Variants in MACROD2 observed in about 807,000 individuals in gnomAD.
MACROD2 encodes mono-ADP ribosylhydrolase 2.
A neutral mutation model predicts 70.4 loss-of-function variants in MACROD2; 36 were observed. The ratio of observed to expected loss-of-function variants is 0.51; its 90% CI spans 0.39 to 0.68. The LOEUF is 0.68. Among genes scored for constraint, MACROD2 ranks in the 30% least tolerant of loss-of-function variants. The pLI is 0.00. For synonymous variants in MACROD2, 172 were observed against 178.8 expected, an observed-to-expected ratio of 0.96 and a Z score of 0.30; for missense variants, 496 against 538.4, an observed-to-expected ratio of 0.92 and a Z score of 0.78.
At chr20:15,677,216 T>C (rs112142619) in intron 8 of MACROD2, among the ~76,000 whole-genome samples, 9 of 152,348 alleles carry the variant, frequency 5.9e-5, no homozygotes, top group African/African-American at 1.7e-4. Context: ...GTAATCTCTT[T>C]GTAAATGTTT....
intron 2 of MACROD2, among the ~76,000 whole-genome samples, chr20:14,062,704 A>AT (rs1226597508): frequency 6.6e-6 from 1 of 152,152 alleles, no homozygotes; most frequent in East Asian, 1.9e-4. Context: ...AAAAAAAGAT[A>AT]TTTCAAAAGT....
intron 4 of MACROD2, among the ~76,000 whole-genome samples, chr20:14,597,386 A>T (rs1285745024): frequency 6.6e-6 from 1 of 152,198 alleles, no homozygotes; most frequent in African/African-American, 2.4e-5. Flanking sequence ...TTCTAAATAC[A>T]ATAGTGTTTT....
At position 14,750,703 on chromosome 20, in the gene MACROD2, A is replaced by C. The variant is rs1432667085; in HGVS notation, c.418+65744A>C. On this transcript the variant is annotated intron_variant, in intron 5 of 17. Coordinates refer to ENST00000684519, the MANE Select transcript of MACROD2 (RefSeq NM_001351661.2). ...TTGAACTCCTGGGCTCAAGTGATCT[A>C]CCCAACTCAGCCTCCCAAATGCTGG... 2.8e-5 allele frequency among the ~76,000 whole-genome samples: 3 copies of C among 108,472 alleles called. No homozygotes were observed. The East Asian group carries it at 7.0e-4, about 25-fold the overall frequency. The allele number at this position is 108,472 out of a possible 152,430, so 71.2% of individuals were successfully genotyped here.
chr20:15,222,510 T>C (rs1246957579), intron 5 of MACROD2, among the ~76,000 whole-genome samples: 1 of 152,226 alleles, frequency 6.6e-6, no homozygotes, highest in African/African-American at 2.4e-5. Context: ...GTACCTTTAG[T>C]GCTCAGTTTT....
At chr20:15,538,684 C>T (rs2047911086) in intron 8 of MACROD2, among the ~76,000 whole-genome samples, 1 of 152,188 alleles carries the variant, frequency 6.6e-6, no homozygotes, top group South Asian at 2.1e-4. Flanking sequence ...TTTAAAAATG[C>T]TGTCTTTTTG....
intron 6 of MACROD2, among the ~76,000 whole-genome samples, chr20:15,410,192 C>A (rs379133): frequency 0.63 from 95,694 of 151,934 alleles, 30,436 homozygotes; most frequent in African/African-American, 0.7. Context: ...TAATAGGAGA[C>A]ACAATTTCAG....
chr20:14,974,440 C>T (rs1305899476), intron 5 of MACROD2, among the ~76,000 whole-genome samples: 1 of 152,082 alleles, frequency 6.6e-6, no homozygotes, highest in Non-Finnish European at 1.5e-5. Context: ...ATTGGATATT[C>T]AAGAAGTGTC....
At chr20:14,613,410 T>C (rs1262934517) in intron 4 of MACROD2, among the ~76,000 whole-genome samples, 1 of 151,956 alleles carries the variant, frequency 6.6e-6, no homozygotes, top group Non-Finnish European at 1.5e-5. Context: ...TTGGTTAACA[T>C]ATATGGGGAG....
intron 5 of MACROD2, among the ~76,000 whole-genome samples, chr20:14,994,609 A>G (rs1234151880): frequency 1.3e-5 from 2 of 152,138 alleles, no homozygotes; most frequent in Non-Finnish European, 2.9e-5. Context: ...TATATAATAA[A>G]TAAAAAGGAA....
intron 3 of MACROD2, among the ~76,000 whole-genome samples, chr20:14,407,404 C>T (rs552258003): frequency 3.6e-4 from 54 of 151,656 alleles, no homozygotes; most frequent in Middle Eastern, 6.8e-3. Context: ...GCACTTTTTT[C>T]TCTCTCTCTC....
chr20:14,094,048 A>T (rs560491246), intron 3 of MACROD2, among the ~76,000 whole-genome samples: 2 of 150,108 alleles, frequency 1.3e-5, no homozygotes, highest in South Asian at 4.2e-4. Context: ...TTTAGGGAGG[A>T]TATGTGTTAG....
intron 10 of MACROD2, among the ~76,000 whole-genome samples, chr20:15,914,911 A>G (rs2065290253): frequency 1.4e-5 from 2 of 148,110 alleles, no homozygotes; most frequent in Non-Finnish European, 3.0e-5. Flanking sequence ...CTCAGGGAAA[A>G]CAATTTACTT....
At chr20:14,089,128 G>C (rs1486493257) in intron 3 of MACROD2, among the ~76,000 whole-genome samples, 1 of 152,182 alleles carries the variant, frequency 6.6e-6, no homozygotes, top group Non-Finnish European at 1.5e-5. Context: ...AAACGATTTG[G>C]TAATTTTAGC....
intron 3 of MACROD2, among the ~76,000 whole-genome samples, chr20:14,359,344 G>T (rs1282757137): frequency 6.6e-6 from 1 of 152,160 alleles, no homozygotes; most frequent in Non-Finnish European, 1.5e-5. Context: ...GTGGAGCAAA[G>T]AGAACTCATG....
intron 5 of MACROD2, among the ~76,000 whole-genome samples, chr20:15,195,623 A>C (rs749742349): frequency 6.6e-6 from 1 of 152,228 alleles, no homozygotes; most frequent in Non-Finnish European, 1.5e-5. Context: ...ACGCTGTTAC[A>C]CTGTTGGTCG....
chr20:15,518,948 G>A (rs761574193), intron 8 of MACROD2, among the ~76,000 whole-genome samples: 290 of 152,324 alleles, frequency 1.9e-3, no homozygotes, highest in Non-Finnish European at 3.1e-3. Flanking sequence ...TTTGCTAAGT[G>A]TTTATGTTCA....
chr20:15,281,959 T>C (rs1025433526), intron 6 of MACROD2, among the ~76,000 whole-genome samples: 1 of 152,218 alleles, frequency 6.6e-6, no homozygotes, highest in Non-Finnish European at 1.5e-5. Flanking sequence ...TAGGCAGAGG[T>C]TCCCAAACTC....
intron 5 of MACROD2, among the ~76,000 whole-genome samples, chr20:15,038,048 C>A (rs1182350324): frequency 6.6e-6 from 1 of 151,988 alleles, no homozygotes; most frequent in African/African-American, 2.4e-5. Context: ...ATATGTATTA[C>A]ATAAATATGT....
At chr20:15,636,076 G>GAAAAAAAAAAAAAAAAAAAAA (rs57402806) in intron 8 of MACROD2, among the ~76,000 whole-genome samples, 8 of 85,784 alleles carry the variant, frequency 9.3e-5, no homozygotes, top group Admixed American at 1.6e-4. Context: ...CCTCTCAAAA[G>GAAAAAAAAAAAAAAAAAAAAA]AAAAAAAAAA....
Sources: gnomAD v4.1 joint callset for allele counts (sites outside exome capture counted in the v4.1 genomes callset) on GRCh38, gnomAD v4.1.1 for gene constraint, MANE v1.5 for transcripts, NCBI Gene and HGNC (gene_info 2026-07-23, HGNC 2026-07-21) for gene names.